PRKCA: variants seen among roughly 807,000 people sequenced by gnomAD.
PRKCA encodes protein kinase C alpha type.
A neutral mutation model predicts 87.0 loss-of-function variants in PRKCA; 27 were observed. The observed-to-expected ratio is 0.31, with a 90% CI of 0.23 to 0.43. PRKCA has a LOEUF of 0.43. PRKCA is among the 20% of genes least tolerant of loss of function. The probability of loss-of-function intolerance (pLI) is 1.00; values close to 1 mark genes in which losing one functional copy is unlikely to be tolerated. For synonymous variants in PRKCA, 329 were observed against 311.1 expected (o/e 1.06, Z -0.61); for missense variants, 518 against 852.3 (o/e 0.61, Z 4.88).
At chr17:66,701,521 TG>T (rs1409056742) in intron 8 of PRKCA, among the ~76,000 whole-genome samples, 1 of 152,014 alleles carries the variant, frequency 6.6e-6, no homozygotes, top group Admixed American at 6.5e-5. Context: ...AGGCAACCTG[TG>T]GAATAGGAGA....
intron 5 of PRKCA, among the ~76,000 whole-genome samples, chr17:66,677,915 T>C (rs1972380855): frequency 6.6e-6 from 1 of 152,224 alleles, no homozygotes; most frequent in Non-Finnish European, 1.5e-5. Flanking sequence ...GATTGTGCAA[T>C]ATACACCACC....
chr17:66,325,414 A>G (rs1905919180), intron 2 of PRKCA, among the ~76,000 whole-genome samples: 1 of 152,194 alleles, frequency 6.6e-6, no homozygotes, highest in Non-Finnish European at 1.5e-5. Flanking sequence ...TCTTTTACAG[A>G]GCTCTGTGAC....
At chr17:66,457,895 G>A (rs898918460) in intron 2 of PRKCA, among the ~76,000 whole-genome samples, 5 of 152,152 alleles carry the variant, frequency 3.3e-5, no homozygotes, top group African/African-American at 4.8e-5. Flanking sequence ...ATGATCACTA[G>A]CTGAGTGTGC....
chr17:66,560,688 A>G (rs1186817792), intron 3 of PRKCA, among the ~76,000 whole-genome samples: 4 of 152,164 alleles, frequency 2.6e-5, no homozygotes, highest in Non-Finnish European at 4.4e-5. Flanking sequence ...TTCAAAGTCT[A>G]TTTCCTCCCA....
intron 5 of PRKCA, among the ~76,000 whole-genome samples, chr17:66,655,337 C>T (rs1303310922): frequency 2.6e-5 from 4 of 152,130 alleles, no homozygotes; most frequent in Non-Finnish European, 4.4e-5. Context: ...CCCTTATGTC[C>T]CCTACACGTT....
At position 66,804,144 on chromosome 17, in the gene PRKCA, A is replaced by G. The variant is rs964648947; in HGVS notation, c.*107A>G. 9.1e-6 allele frequency: 13 copies of G among 1,436,184 alleles called. No homozygotes were observed. The highest frequency in any genetic ancestry group is 4.7e-5 in the East Asian group (2 of 42,848). The allele number at this position is 1,436,184 out of a possible 1,614,324, so 89.0% of individuals were successfully genotyped here. A position where few individuals can be genotyped will look rare whatever the true frequency, so the allele number is the denominator to read the frequency against. On this transcript the variant is annotated 3_prime_UTR_variant, in exon 17 of 17. Coordinates refer to ENST00000413366, the MANE Select transcript of PRKCA (RefSeq NM_002737.3). Reference sequence around the variant, plus strand: ...AGGCCACGGCCTTGTGTCTGATTCCATATGGAGGCCTGAAAATTGTAGGGT... The same window carrying G: ...AGGCCACGGCCTTGTGTCTGATTCCGTATGGAGGCCTGAAAATTGTAGGGT...
chr17:66,732,010 A>G (rs1324006354), intron 8 of PRKCA, among the ~76,000 whole-genome samples: 32 of 150,820 alleles, frequency 2.1e-4, no homozygotes, highest in Non-Finnish European at 4.0e-4. Flanking sequence ...GGCTGGTCTC[A>G]AACTCCAGAC....
At position 66,344,767 on chromosome 17, in the gene PRKCA, C is replaced by T. The variant is rs555790730; in HGVS notation, c.205+38640C>T. ...GGTTGGCAGAAGTCATACCTATACT[C>T]TACTTTTATTTATTTTGAGATGGAG... On this transcript the variant is annotated intron_variant, in intron 2 of 16. Transcript: ENST00000413366. Among the ~76,000 whole-genome samples the T allele has an allele frequency of 2.0e-5, 3 of 152,226 alleles. No homozygotes were observed. In the South Asian group the frequency reaches 6.2e-4, roughly 32 times the overall value.
chr17:66,421,151 TACTCCAG>T (rs1912468439), intron 2 of PRKCA, among the ~76,000 whole-genome samples: 1 of 152,226 alleles, frequency 6.6e-6, no homozygotes, highest in Non-Finnish European at 1.5e-5. Context: ...GCCTGATGGC[TACTCCAG>T]TTGGGCACAT....
chr17:66,702,635 AATC>A (rs1377001018), intron 8 of PRKCA, among the ~76,000 whole-genome samples: 3 of 152,224 alleles, frequency 2.0e-5, no homozygotes, highest in Admixed American at 6.5e-5. Flanking sequence ...TGATTGTAGT[AATC>A]ATTTCACAGT....
At chr17:66,632,141 T>C (rs1971033175) in intron 3 of PRKCA, among the ~76,000 whole-genome samples, 1 of 152,196 alleles carries the variant, frequency 6.6e-6, no homozygotes, top group South Asian at 2.1e-4. Flanking sequence ...TGGTGTCTCA[T>C]GAAGCAGCCG....
At chr17:66,527,944 T>C (rs1325130849) in intron 3 of PRKCA, among the ~76,000 whole-genome samples, 6 of 152,148 alleles carry the variant, frequency 3.9e-5, no homozygotes, top group Admixed American at 2.0e-4. Context: ...ACGCCTGAAA[T>C]CCCAGCACTT....
intron 3 of PRKCA, among the ~76,000 whole-genome samples, chr17:66,509,644 G>A (rs9903655): frequency 0.13 from 19,778 of 152,166 alleles, 4,135 homozygotes; most frequent in African/African-American, 0.44. Flanking sequence ...ACACCATTGT[G>A]TAAACACCCA....
intron 2 of PRKCA, among the ~76,000 whole-genome samples, chr17:66,423,329 G>A (rs1912598371): frequency 6.6e-6 from 1 of 152,168 alleles, no homozygotes; most frequent in Non-Finnish European, 1.5e-5. Flanking sequence ...GCACCATAGT[G>A]AAAAGTTGTG....
chr17:66,773,991 T>C lies in PRKCA; in HGVS notation c.1529T>C (p.Ile510Thr). The change falls in exon 14 of 17, where the codon ATC (isoleucine) becomes ACC (threonine). Residue 510 changes from isoleucine to threonine, a missense_variant. By Grantham distance (89) the Ile-to-Thr change is moderately conservative (BLOSUM62 -1). Coordinates refer to ENST00000413366, the MANE Select transcript of PRKCA (RefSeq NM_002737.3). ...GATGTGTTTGTTTTCACACAGATAA[T>C]CGCTTATCAGCCGTATGGAAAATCT... The part of the protein sequence containing the change: ...GTPDYIAPEI[I>T]AYQPYGKSVD... 6.2e-7 allele frequency: 1 copy of C among 1,614,032 alleles called. No homozygotes were observed.
chr17:66,306,209 T>C (rs577349947), intron 2 of PRKCA, 82 bp downstream of exon 2: 1 of 1,388,582 alleles, frequency 7.2e-7, no homozygotes, highest in African/African-American at 1.5e-5. Flanking sequence ...CAGTCATATT[T>C]TCTTTCCAAT....
chr17:66,507,254 A>G (rs1316215130), intron 3 of PRKCA, among the ~76,000 whole-genome samples: 3 of 152,214 alleles, frequency 2.0e-5, no homozygotes, highest in Non-Finnish European at 4.4e-5. Flanking sequence ...CTAGGTATGC[A>G]TTATTGTTCC....
intron 8 of PRKCA, among the ~76,000 whole-genome samples, chr17:66,730,225 G>A (rs1349443311): frequency 6.6e-6 from 1 of 152,162 alleles, no homozygotes; most frequent in Non-Finnish European, 1.5e-5. Flanking sequence ...TGTTAGAGTT[G>A]GGAATCTAGA....
chr17:66,316,637 C>A lies in PRKCA; in HGVS notation c.205+10510C>A, dbSNP rs866857511. The stretch of plus-strand genomic sequence containing the variant: ...CCCAGGGAAGCCAAAAGATTGGACA[C>A]CCCTGGTTTAAAAAGTGTGCTACTT... On this transcript the variant is annotated intron_variant, in intron 2 of 16. Transcript: ENST00000413366. Among the ~76,000 whole-genome samples, 14 of 152,058 alleles carry A rather than the reference C, an allele frequency of 9.2e-5. 1 individual carries two copies. Among genetic ancestry groups the A allele is most frequent in the Admixed American group, 7.2e-4 (11 of 15,266 alleles).
Sources: allele counts gnomAD v4.1 joint callset (sites outside exome capture counted in the v4.1 genomes callset), GRCh38; gene constraint gnomAD v4.1.1; transcripts MANE v1.5; gene names NCBI Gene and HGNC (gene_info 2026-07-23, HGNC 2026-07-21).